The following DGKD variants were observed in gnomAD, a reference collection of about 807,000 sequenced individuals.
The protein encoded by DGKD is diacylglycerol kinase delta, also known as DAG kinase delta.
Under a neutral mutation model 154.4 loss-of-function variants are expected in DGKD, and 68 were observed. That is an observed-to-expected ratio of 0.44 (90% CI 0.36 to 0.54). The LOEUF (loss-of-function observed/expected upper bound fraction) is 0.54, where lower values mean the gene tolerates loss of function less well. Ranked by LOEUF, DGKD falls within the 20% of genes least tolerant of loss-of-function variation. DGKD has a pLI of 0.00. For synonymous variants in DGKD, 693 were observed against 638.0 expected, an observed-to-expected ratio of 1.09 and a Z score of -1.30; for missense variants, 1,343 against 1,593.6, an observed-to-expected ratio of 0.84 and a Z score of 2.68.
In DGKD at chr2:233,457,332, T is replaced by C; in HGVS notation, c.2580+4T>C. ...GGGGGGTACCAAGGAAGATGATGTA[T>C]GTATGGGGTGTGAGCGGGTGGGCCT... On this transcript the variant is annotated splice_donor_region_variant and intron_variant, in intron 21 of 29. Transcript: ENST00000264057. This position sits in a 1 kb window ranked among gnomAD's most constrained non-coding sequence, Gnocchi z 5.5. 1 of 1,555,124 alleles carries C rather than the reference T, an allele frequency of 6.4e-7. No individual in the cohort carries two copies. The highest frequency in any genetic ancestry group is 8.7e-7 in the Non-Finnish European group (1 of 1,146,310).
intron 1 of DGKD, among the ~76,000 whole-genome samples, chr2:233,355,245 C>G (rs552994146): frequency 6.6e-6 from 1 of 152,216 alleles, no homozygotes; most frequent in African/African-American, 2.4e-5. Flanking sequence ...GTGACCGTCT[C>G]TCTCAGCAAA....
rs2063512169 is a variant in DGKD, at chr2:233,457,949, CGTG to C, written c.2581-331_2581-329del. 2.8e-6 allele frequency: 1 copy of C among 357,164 alleles called. No individual in the cohort carries two copies. Among genetic ancestry groups the C allele is most frequent in the East Asian group, 5.5e-5 (1 of 18,032 alleles). The allele number at this position is 357,164 out of a possible 1,614,324, so 22.1% of individuals were successfully genotyped here. ...AGAAGTATTCAGCGCTTCCTGCACA[CGTG>C]GTGTGTGCTGGCCCCAGTCCTGGCA... On this transcript the variant is annotated intron_variant, in intron 21 of 29. Transcript: ENST00000264057. The surrounding 1 kb of genome is among the most constrained non-coding windows in gnomAD (Gnocchi z 5.5).
Position 233,459,633 on chromosome 2 carries a change from G to A in DGKD, c.2695-124G>A. 7.6e-7 allele frequency: 1 copy of A among 1,311,806 alleles called. No homozygotes were observed. Among genetic ancestry groups the A allele is most frequent in the Non-Finnish European group, 1.0e-6 (1 of 962,612 alleles). The allele number at this position is 1,311,806 out of a possible 1,614,324, so 81.3% of individuals were successfully genotyped here. A position where few individuals can be genotyped will look rare whatever the true frequency, so the allele number is the denominator to read the frequency against. ...GGCGGAGCGCCATCCCAGAGGCAGA[G>A]GTGGGGTGTCCTGCAAGGCAGGGAC... is the stretch of plus-strand genomic sequence containing the variant. On this transcript the variant is annotated intron_variant, in intron 22 of 29. Coordinates refer to ENST00000264057, the MANE Select transcript of DGKD (RefSeq NM_152879.3). This position sits in a 1 kb window ranked among gnomAD's most constrained non-coding sequence, Gnocchi z 5.7.
intron 3 of DGKD, chr2:233,419,296 C>T (rs1225230669): frequency 1.0e-6 from 1 of 985,478 alleles, no homozygotes; most frequent in Non-Finnish European, 1.2e-6. Context: ...AGCGTTCCTG[C>T]TCTACTTCGT....
chr2:233,433,122 C>T (rs1013396277), intron 3 of DGKD, among the ~76,000 whole-genome samples: 8 of 152,148 alleles, frequency 5.3e-5, no homozygotes, highest in Admixed American at 2.0e-4. Context: ...ATCAGTGTAT[C>T]GAAGAGATGT....
rs1248725515 is a variant in DGKD at position 233,440,298 on chromosome 2, C to G, written c.1086-1589C>G. On this transcript the variant is annotated intron_variant, in intron 9 of 29. Coordinates refer to ENST00000264057, the MANE Select transcript of DGKD (RefSeq NM_152879.3). The surrounding 1 kb of genome is among the most constrained non-coding windows in gnomAD (Gnocchi z 4.9). ...AGGGGGCCTTACAGGTGTCAGTGTT[C>G]TGTGTGGAGCCTGGGCTTGGTGCCG... Among the ~76,000 whole-genome samples, 3 of 152,136 alleles carry G rather than the reference C, an allele frequency of 2.0e-5. No homozygotes were observed. Among genetic ancestry groups the G allele is most frequent in the Admixed American group, 6.5e-5 (1 of 15,274 alleles).
chr2:233,438,533 C>T lies in DGKD; in HGVS notation c.1085+154C>T, dbSNP rs1221888421. Among the ~76,000 whole-genome samples the T allele has an allele frequency of 6.6e-6, 1 of 152,140 alleles. No homozygotes were observed. The highest frequency in any genetic ancestry group is 1.5e-5 in the Non-Finnish European group (1 of 68,036). On this transcript the variant is annotated intron_variant, in intron 9 of 29. Transcript: ENST00000264057. This position sits in a 1 kb window ranked among gnomAD's most constrained non-coding sequence, Gnocchi z 4.1. ...CCCAAATTGCACTTGCAGAGGTGCC[C>T]ACTCTTAATAGAGGTGCATGGCCTT...
At chr2:233,419,102 G>A (rs1185012430) in intron 3 of DGKD, 5 of 410,748 alleles carry the variant, frequency 1.2e-5, no homozygotes, top group Non-Finnish European at 1.6e-5. Context: ...CAGGATGTGA[G>A]TAACAGGAAG....
In DGKD at chr2:233,436,283, G is replaced by A. The variant is rs377517648; in HGVS notation, c.694-33G>A. On this transcript the variant is annotated intron_variant, in intron 6 of 29. Coordinates refer to ENST00000264057, the MANE Select transcript of DGKD (RefSeq NM_152879.3). ...CTGCCCTGGACGTGGAACCTTGGGAGCGTCCCTAGTGCGTGCCTCTGTTTG... is the reference window on the plus strand; with the variant it reads ...CTGCCCTGGACGTGGAACCTTGGGAACGTCCCTAGTGCGTGCCTCTGTTTG... 9.3e-6 allele frequency: 15 copies of A among 1,613,468 alleles called. No individual in the cohort carries two copies. In the South Asian group the frequency reaches 1.5e-4, roughly 17 times the overall value.
chr2:233,361,471 A>T (rs770889143), intron 1 of DGKD, among the ~76,000 whole-genome samples: 1 of 152,226 alleles, frequency 6.6e-6, no homozygotes, highest in Non-Finnish European at 1.5e-5. Context: ...AAAAATAGAC[A>T]TCAAGGGAGG....
At chr2:233,434,134 A>G (rs1004047699) in intron 3 of DGKD, among the ~76,000 whole-genome samples, 7 of 152,252 alleles carry the variant, frequency 4.6e-5, no homozygotes, top group Admixed American at 4.6e-4. Flanking sequence ...GCAATTATAA[A>G]TGTCCACTTA....
chr2:233,427,027 G>T lies in DGKD; in HGVS notation c.349-7353G>T, dbSNP rs527730949. Among the ~76,000 whole-genome samples the T allele has an allele frequency of 3.3e-5, 5 of 152,258 alleles. No individual in the cohort carries two copies. In the South Asian group the frequency reaches 1.0e-3, roughly 32 times the overall value. On this transcript the variant is annotated intron_variant, in intron 3 of 29. Coordinates refer to ENST00000264057, the MANE Select transcript of DGKD (RefSeq NM_152879.3). ...CTGCTCTTACTGATTTTTAAGTTCT[G>T]TTACCCTCAAGAGAATTCCAGCAGG...
At chr2:233,450,843 C>T (rs1392852067) in intron 16 of DGKD, 79 bp from the exon 17 acceptor site, 9 of 1,536,724 alleles carry the variant, frequency 5.9e-6, no homozygotes, top group Non-Finnish European at 8.0e-6. Context: ...CTCCCACCTG[C>T]TCGTGTCGCT....
In DGKD at chr2:233,441,688, C is replaced by T. The variant is rs1459906583; in HGVS notation, c.1086-199C>T. 6.6e-6 allele frequency among the ~76,000 whole-genome samples: 1 copy of T among 151,990 alleles called. No homozygotes were observed. The highest frequency in any genetic ancestry group is 1.5e-5 in the Non-Finnish European group (1 of 67,960). On this transcript the variant is annotated intron_variant, in intron 9 of 29. Transcript: ENST00000264057. The surrounding 1 kb of genome is among the most constrained non-coding windows in gnomAD (Gnocchi z 5.6). ...CTGGTGGGAGCAGTTGGCTGGACCCCAGTGCTGCTGTCGTCCCTTTGACAA... is the reference window on the plus strand; with the variant it reads ...CTGGTGGGAGCAGTTGGCTGGACCCTAGTGCTGCTGTCGTCCCTTTGACAA...
rs2062694080 is a variant in DGKD at position 233,436,346 on chromosome 2, A to C, written c.724A>C (p.Asn242His). The C allele has an allele frequency of 6.2e-7, 1 of 1,614,080 alleles. No homozygotes were observed. The highest frequency in any genetic ancestry group is 1.7e-5 in the Admixed American group (1 of 60,010). ...IAMPHQWLEG[N>H]LPVSAKCTVC... ...AATGCCCCACCAGTGGTTGGAAGGAAACCTACCTGTGAGCGCCAAGTGCAC... is the reference window on the plus strand; with the variant it reads ...AATGCCCCACCAGTGGTTGGAAGGACACCTACCTGTGAGCGCCAAGTGCAC... Residue 242 changes from asparagine (N) to histidine (H), a missense_variant, in exon 7 of 30, where the codon AAC (asparagine) becomes CAC (histidine). Asn to His is a moderately conservative substitution (Grantham distance 68, BLOSUM62 1). Coordinates refer to ENST00000264057, the MANE Select transcript of DGKD (RefSeq NM_152879.3).
rs1306602689 is a variant in DGKD at position 233,458,073 on chromosome 2, G to A, written c.2581-211G>A. Among the ~76,000 whole-genome samples the A allele has an allele frequency of 6.6e-6, 1 of 152,138 alleles. No individual in the cohort carries two copies. Among genetic ancestry groups the A allele is most frequent in the Non-Finnish European group, 1.5e-5 (1 of 68,020 alleles). ...CGCATGAGGAAATGGGGGAGAGAGA[G>A]ATTCAGTAACTTTGCCGAGATGAGA... On this transcript the variant is annotated intron_variant, in intron 21 of 29. Coordinates refer to ENST00000264057, the MANE Select transcript of DGKD (RefSeq NM_152879.3). This position sits in a 1 kb window ranked among gnomAD's most constrained non-coding sequence, Gnocchi z 6.6.
rs995048570 is a variant in DGKD at position 233,433,380 on chromosome 2, T to TA, written c.349-989dup. On this transcript the variant is annotated intron_variant, in intron 3 of 29. Coordinates refer to ENST00000264057, the MANE Select transcript of DGKD (RefSeq NM_152879.3). ...ACATGTTCTTATTTGTGGGAGCTAA[T>TA]AAAAAAAAAAAGAAAACAGTTGAAC... 7.4e-3 allele frequency among the ~76,000 whole-genome samples: 1,048 copies of TA among 140,804 alleles called. 6 individuals carry two copies. Among genetic ancestry groups the TA allele is most frequent in the African/African-American group, 0.025 (949 of 38,432 alleles). 92.4% of individuals were successfully genotyped at this position (140,804 alleles called of 152,430 possible).
intron 10 of DGKD, among the ~76,000 whole-genome samples, chr2:233,444,354 C>T (rs1049926895): frequency 6.6e-6 from 1 of 152,086 alleles, no homozygotes; most frequent in Non-Finnish European, 1.5e-5. Context: ...ACCCAGGCGA[C>T]CTTTCCCGGG....
intron 3 of DGKD, among the ~76,000 whole-genome samples, chr2:233,430,261 G>A (rs2062463197): frequency 6.6e-6 from 1 of 152,162 alleles, no homozygotes; most frequent in Non-Finnish European, 1.5e-5. Context: ...GTAAAAACAG[G>A]AAAAGATGCT....
Sources: allele counts gnomAD v4.1 joint callset (sites outside exome capture counted in the v4.1 genomes callset), GRCh38; gene constraint gnomAD v4.1.1; non-coding constraint Gnocchi (gnomAD v3.1); transcripts MANE v1.5; gene names NCBI Gene and HGNC (gene_info 2026-07-23, HGNC 2026-07-21).